The following SEC14L1 variants were observed in gnomAD, a reference collection of about 807,000 sequenced individuals.
SEC14L1 encodes SEC14-like protein 1.
In SEC14L1, 48 loss-of-function variants were observed where a neutral mutation model predicts 85.3. That is an observed-to-expected ratio of 0.56 (90% CI 0.45 to 0.72). The LOEUF (loss-of-function observed/expected upper bound fraction) is 0.72, where lower values mean the gene tolerates loss of function less well. SEC14L1 is among the 30% of genes least tolerant of loss of function. SEC14L1 has a pLI of 0.00. For missense variants in SEC14L1, 682 were observed against 921.4 expected (o/e 0.74, Z 3.36); for synonymous variants, 391 against 355.5 (o/e 1.10, Z -1.12).
chr17:77,193,687 G>A, intron 6 of SEC14L1, 138 bp downstream of exon 6: 1 of 886,062 alleles, frequency 1.1e-6, no homozygotes, highest in Non-Finnish European at 1.7e-6. Context: ...CCTACCCCCT[G>A]CCTCATCTTT....
chr17:77,138,636 C>CA (rs972072284), upstream of SEC14L1, among the ~76,000 whole-genome samples: 1 of 151,362 alleles, frequency 6.6e-6, no homozygotes, highest in African/African-American at 2.4e-5. Context: ...AACAAACAAA[C>CA]AAAAAAACAA....
At chr17:77,138,806 A>G (rs1260226780), upstream of SEC14L1, among the ~76,000 whole-genome samples, 1 of 152,198 alleles carries the variant, frequency 6.6e-6, no homozygotes, top group East Asian at 1.9e-4. Flanking sequence ...CCTGGGGAAC[A>G]GAGTGAGACT....
At chr17:77,172,010 G>A (rs925888718) in intron 3 of SEC14L1, among the ~76,000 whole-genome samples, 1 of 152,296 alleles carries the variant, frequency 6.6e-6, no homozygotes. Context: ...GGGATTAACA[G>A]AAGTTTAATA....
At chr17:77,148,675 C>T (rs1249531417) in intron 3 of SEC14L1, among the ~76,000 whole-genome samples, 4 of 152,230 alleles carry the variant, frequency 2.6e-5, no homozygotes, top group African/African-American at 9.6e-5. Context: ...GCACTGCCAT[C>T]GTTGCAGCGT....
At chr17:77,175,742 T>G (rs186936147) in intron 3 of SEC14L1, among the ~76,000 whole-genome samples, 5 of 152,346 alleles carry the variant, frequency 3.3e-5, no homozygotes, top group African/African-American at 4.8e-5. Context: ...CCAGAGCACA[T>G]TAGATAATAT....
At chr17:77,192,184 A>T (rs994851202) in intron 5 of SEC14L1, among the ~76,000 whole-genome samples, 1 of 152,202 alleles carries the variant, frequency 6.6e-6, no homozygotes, top group African/African-American at 2.4e-5. Flanking sequence ...TGTGCCTTTA[A>T]GAATAGTGCC....
Position 77,209,435 on chromosome 17 carries a change from A to G in SEC14L1, c.1570A>G (p.Ile524Val), listed in dbSNP as rs746480471. The G allele has an allele frequency of 1.9e-6, 3 of 1,614,106 alleles. No individual in the cohort carries two copies. The highest frequency in any genetic ancestry group is 1.3e-5 in the African/African-American group (1 of 74,936). Reference protein sequence around the residue: ...NEDLKLWTETIYQSASVFKGA... With the variant: ...NEDLKLWTETVYQSASVFKGA... ...AGACCTGAAGCTCTGGACTGAGACC[A>G]TCTACCAGTCTGCAAGCGTCTTCAA... is the stretch of plus-strand genomic sequence containing the variant. The change falls in exon 14 of 17, where the codon ATC (isoleucine) becomes GTC (valine). Residue 524 changes from isoleucine (I) to valine (V), a missense_variant. Transcript: ENST00000436233.
chr17:77,173,152 T>C (rs1488576719), intron 3 of SEC14L1, among the ~76,000 whole-genome samples: 1 of 152,214 alleles, frequency 6.6e-6, no homozygotes, highest in African/African-American at 2.4e-5. Flanking sequence ...TTCGGACCTC[T>C]GAGCTAGTTA....
At chr17:77,140,825 C>G (rs570807724), upstream of SEC14L1, 1 of 150,556 alleles carries the variant, frequency 6.6e-6, no homozygotes, top group Non-Finnish European at 1.5e-5. Flanking sequence ...TGTCCTCCCC[C>G]CTCCCCTTTC....
intron 3 of SEC14L1, among the ~76,000 whole-genome samples, chr17:77,182,777 A>G (rs967116571): frequency 2.6e-5 from 4 of 152,216 alleles, no homozygotes; most frequent in African/African-American, 9.6e-5. Context: ...TTCTTCCCAC[A>G]TTCTTTTAGT....
chr17:77,192,647 C>T (rs1276218982), intron 5 of SEC14L1, among the ~76,000 whole-genome samples: 1 of 151,822 alleles, frequency 6.6e-6, no homozygotes, highest in East Asian at 1.9e-4. Flanking sequence ...TGCAGCCTGA[C>T]TCCCCAACCC....
At chr17:77,158,021 C>T (rs374444816) in intron 3 of SEC14L1, among the ~76,000 whole-genome samples, 2 of 151,046 alleles carry the variant, frequency 1.3e-5, no homozygotes, top group East Asian at 3.9e-4. Context: ...AGCATGTGGG[C>T]TGGGCATGAG....
At chr17:77,114,641 C>G (rs148944975) in intron 3 of SEC14L1, among the ~76,000 whole-genome samples, 3,525 of 151,338 alleles carry the variant, frequency 0.023, 56 homozygotes, top group Non-Finnish European at 0.032. Context: ...TCGAGACCAG[C>G]CTGGCCAACA....
chr17:77,203,583 C>T lies in SEC14L1; in HGVS notation c.1023C>T (p.Leu341=), dbSNP rs1322015964. The T allele has an allele frequency of 1.8e-5, 29 of 1,613,690 alleles. No individual in the cohort carries two copies. Among genetic ancestry groups the T allele is most frequent in the Non-Finnish European group, 2.4e-5 (28 of 1,179,874 alleles). ...WHHHDKDGRP[L]YVLRLGQMDT... is the part of the protein sequence containing the mutation. ...CCTCCTCTGCAGATGGGCGGCCCCT[C>T]TACGTGCTCAGGCTGGGGCAGATGG... The change falls in exon 10 of 17, where the codon CTC becomes CTT. Residue 341 remains leucine, a synonymous_variant. Transcript: ENST00000436233.
At chr17:77,147,510 G>A (rs2143546259) in intron 3 of SEC14L1, among the ~76,000 whole-genome samples, 1 of 152,256 alleles carries the variant, frequency 6.6e-6, no homozygotes, top group Admixed American at 6.5e-5. Flanking sequence ...GAATGTCAGA[G>A]CTTTCAGCGA....
chr17:77,185,263 A>G, intron 3 of SEC14L1: 2 of 985,486 alleles, frequency 2.0e-6, no homozygotes, highest in Non-Finnish European at 2.4e-6. Flanking sequence ...TGGAGGGAGT[A>G]AGGGAGGCGC....
intron 3 of SEC14L1, among the ~76,000 whole-genome samples, chr17:77,159,953 C>G (rs1973990076): frequency 6.6e-6 from 1 of 152,112 alleles, no homozygotes. Context: ...TGACCCTACC[C>G]CCTGTTAAGT....
At chr17:77,153,596 G>A (rs956902779) in intron 3 of SEC14L1, among the ~76,000 whole-genome samples, 2 of 152,150 alleles carry the variant, frequency 1.3e-5, no homozygotes, top group Non-Finnish European at 2.9e-5. Flanking sequence ...CTGAAAGCAG[G>A]TGAGAGGGAT....
chr17:77,215,601 T>G lies in SEC14L1; in HGVS notation c.*1578T>G. 1.0e-6 allele frequency: 1 copy of G among 988,560 alleles called. No homozygotes were observed. The highest frequency in any genetic ancestry group is 1.2e-6 in the Non-Finnish European group (1 of 831,286). The allele number at this position is 988,560 out of a possible 1,614,324, so 61.2% of individuals were successfully genotyped here. ...TCAGCCCTAGTGGCTGCCTGCACAC[T>G]GTAGACGTCCCAGGGCCTGTGCTGT... On this transcript the variant is annotated 3_prime_UTR_variant, in exon 17 of 17. Transcript: ENST00000436233.
Sources: gnomAD v4.1 joint callset for allele counts (sites outside exome capture counted in the v4.1 genomes callset) on GRCh38, gnomAD v4.1.1 for gene constraint, MANE v1.5 for transcripts, NCBI Gene and HGNC (gene_info 2026-07-23, HGNC 2026-07-21) for gene names.